KAZN: variants seen among roughly 807,000 people sequenced by gnomAD.
KAZN encodes kazrin, periplakin interacting protein, also known as kazrin.
KAZN carries 40 observed loss-of-function variants against 87.4 expected under a neutral mutation model. The observed-to-expected ratio is 0.46, with a 90% CI of 0.36 to 0.60. KAZN has a LOEUF of 0.60. Among genes scored for constraint, KAZN ranks in the 20% least tolerant of loss-of-function variants. KAZN has a pLI of 0.00. For missense variants in KAZN, 898 were observed against 1,073.9 expected, an observed-to-expected ratio of 0.84 and a Z score of 2.29; for synonymous variants, 466 against 458.3, an observed-to-expected ratio of 1.02 and a Z score of -0.22.
At chr1:14,178,683 A>G (rs1052207023) in intron 1 of KAZN, among the ~76,000 whole-genome samples, 1 of 151,932 alleles carries the variant, frequency 6.6e-6, no homozygotes, top group African/African-American at 2.4e-5. Context: ...CTGTATACTG[A>G]TTTTTCTCCA....
Position 14,883,363 on chromosome 1 carries a change from G to GA in KAZN, c.227-77318dup, listed in dbSNP as rs749616974. 3.5e-4 allele frequency among the ~76,000 whole-genome samples: 22 copies of GA among 62,316 alleles called. 2 individuals are homozygous for GA. Among genetic ancestry groups the GA allele is most frequent in the Non-Finnish European group, 3.2e-4 (10 of 31,362 alleles). 40.9% of individuals were successfully genotyped at this position (62,316 alleles called of 152,430 possible). Reference sequence around the variant, plus strand: ...GAGAGAAAGAAAGAAAGAAAAGAAAGAAAGAAAGAAAGAAAGAAAGAAAGA... The same window carrying GA: ...GAGAGAAAGAAAGAAAGAAAAGAAAGAAAAGAAAGAAAGAAAGAAAGAAAGA... On this transcript the variant is annotated intron_variant, in intron 1 of 14. Transcript: ENST00000376030.
At position 14,110,560 on chromosome 1, in the gene KAZN, A is replaced by G. The variant is rs77160599; in HGVS notation, c.92-69875A>G. Among the ~76,000 whole-genome samples, 926 of 152,094 alleles carry G rather than the reference A, an allele frequency of 6.1e-3. 38 individuals are homozygous for G. Among genetic ancestry groups the G allele is most frequent in the African/African-American group, 0.022 (893 of 41,398 alleles). On this transcript the variant is annotated intron_variant, in intron 1 of 16. Transcript: ENST00000636203. ...GTTTTTTGACTTCTATTGCATATCT[A>G]TCTATTTCTCTTAGGAGGTTTTATT...
At chr1:14,838,612 G>T (rs1300996170) in intron 1 of KAZN, among the ~76,000 whole-genome samples, 1 of 152,070 alleles carries the variant, frequency 6.6e-6, no homozygotes, top group Non-Finnish European at 1.5e-5. Flanking sequence ...TTAGCTTCCT[G>T]GTTCTTTTTG....
chr1:15,056,305 C>T lies in KAZN; in HGVS notation c.916+25C>T, dbSNP rs377258607. 2 of 1,578,722 alleles carry T rather than the reference C, an allele frequency of 1.3e-6. No homozygotes were observed. Among genetic ancestry groups the T allele is most frequent in the African/African-American group, 2.7e-5 (2 of 74,220 alleles). The stretch of plus-strand genomic sequence containing the variant: ...GGTGAGTCCTGCCCTGGCCTGGCTC[C>T]ACCACGGCTTCGAGGGGCTTCACAG... On this transcript the variant is annotated intron_variant, in intron 5 of 14. Transcript: ENST00000376030. This position sits in a 1 kb window ranked among gnomAD's most constrained non-coding sequence, Gnocchi z 5.4.
At chr1:14,492,776 AC>A (rs1669742127) in intron 2 of KAZN, among the ~76,000 whole-genome samples, 1 of 146,290 alleles carries the variant, frequency 6.8e-6, no homozygotes, top group African/African-American at 2.5e-5. Flanking sequence ...CACACACCAC[AC>A]GTGCACACAC....
At chr1:14,179,845 A>T (rs903497477) in intron 1 of KAZN, among the ~76,000 whole-genome samples, 3 of 152,216 alleles carry the variant, frequency 2.0e-5, no homozygotes, top group African/African-American at 7.2e-5. Flanking sequence ...CAGCAACCAT[A>T]ATAAGTAAAA....
intron 1 of KAZN, among the ~76,000 whole-genome samples, chr1:14,928,670 A>G (rs1659450454): frequency 6.6e-6 from 1 of 152,074 alleles, no homozygotes; most frequent in Non-Finnish European, 1.5e-5. Context: ...ATGAGATGCA[A>G]TCTCCACTGC....
chr1:14,269,866 CTTTAG>C (rs1651783966), intron 2 of KAZN, among the ~76,000 whole-genome samples: 1 of 152,138 alleles, frequency 6.6e-6, no homozygotes, highest in African/African-American at 2.4e-5. Context: ...TCTGAAATTT[CTTTAG>C]TTTATCCAGT....
intron 2 of KAZN, among the ~76,000 whole-genome samples, chr1:14,278,456 A>AT (rs1410324714): frequency 6.6e-5 from 10 of 151,518 alleles, no homozygotes; most frequent in Non-Finnish European, 1.5e-4. Context: ...TGCCCAGCTA[A>AT]TTTTTGTATT....
chr1:14,366,016 A>G (rs1659967624), intron 2 of KAZN, among the ~76,000 whole-genome samples: 1 of 152,244 alleles, frequency 6.6e-6, no homozygotes, highest in Admixed American at 6.5e-5. Flanking sequence ...CCTAAAATGT[A>G]AATTGCTTGG....
chr1:14,433,804 G>A (rs776169370), intron 2 of KAZN, among the ~76,000 whole-genome samples: 3 of 152,222 alleles, frequency 2.0e-5, no homozygotes, highest in African/African-American at 7.2e-5. Context: ...AGGTTGCAGT[G>A]ATCAGAGATG....
intron 1 of KAZN, among the ~76,000 whole-genome samples, chr1:14,009,513 A>T (rs147624500): frequency 6.8e-4 from 104 of 152,324 alleles, no homozygotes; most frequent in African/African-American, 2.4e-3. Flanking sequence ...CATCCTAATG[A>T]GTGTGATAGC....
chr1:14,538,609 A>T (rs1305467997), intron 2 of KAZN, among the ~76,000 whole-genome samples: 1 of 152,064 alleles, frequency 6.6e-6, no homozygotes, highest in East Asian at 1.9e-4. Context: ...TGGCCTAACC[A>T]CCTCTTAAAG....
intron 2 of KAZN, among the ~76,000 whole-genome samples, chr1:14,299,521 A>AGAAAT (rs1299429648): frequency 1.3e-5 from 2 of 152,164 alleles, no homozygotes; most frequent in Non-Finnish European, 2.9e-5. Flanking sequence ...AGAAAAGAAA[A>AGAAAT]GAAAAGAATT....
chr1:15,063,351 G>A (rs1013298542), intron 6 of KAZN: 2 of 583,156 alleles, frequency 3.4e-6, no homozygotes, highest in Admixed American at 2.9e-5. Flanking sequence ...GACTGGGCAG[G>A]AGAGGACCCC....
At chr1:14,822,942 G>T (rs540359405) in intron 1 of KAZN, among the ~76,000 whole-genome samples, 11 of 152,312 alleles carry the variant, frequency 7.2e-5, no homozygotes. Context: ...GCTGAGTCAG[G>T]TGCCGAGTGG....
intron 1 of KAZN, among the ~76,000 whole-genome samples, chr1:14,865,788 G>A (rs887423573): frequency 1.3e-5 from 2 of 152,168 alleles, no homozygotes; most frequent in African/African-American, 2.4e-5. Flanking sequence ...GGAATAGGGT[G>A]AGCCCTAATC....
intron 2 of KAZN, among the ~76,000 whole-genome samples, chr1:14,972,753 G>A (rs1572955313): frequency 6.6e-6 from 1 of 152,040 alleles, no homozygotes; most frequent in East Asian, 1.9e-4. Context: ...GACCTCAAGT[G>A]ATTCGCCCAC....
At chr1:14,827,572 T>TGTC in intron 1 of KAZN, among the ~76,000 whole-genome samples, 1 of 152,278 alleles carries the variant, frequency 6.6e-6, no homozygotes, top group East Asian at 1.9e-4. Context: ...TGACAGACAG[T>TGTC]AAAATTGCTT....
Sources: gnomAD v4.1 joint callset for allele counts (sites outside exome capture counted in the v4.1 genomes callset) on GRCh38, gnomAD v4.1.1 for gene constraint, Gnocchi (gnomAD v3.1) non-coding constraint, MANE v1.5 for transcripts, NCBI Gene and HGNC (gene_info 2026-07-23, HGNC 2026-07-21) for gene names.